Variants in SSBP3 observed in about 807,000 individuals in gnomAD.
SSBP3 encodes single stranded DNA binding protein 3, also known as single-stranded DNA-binding protein 3.
Under a neutral mutation model 69.6 loss-of-function variants are expected in SSBP3, and 5 were observed. The ratio of observed to expected loss-of-function variants is 0.07; its 90% confidence interval spans 0.04 to 0.15. The LOEUF is 0.15. Ranked by LOEUF, SSBP3 falls within the 10% of genes least tolerant of loss-of-function variation. The pLI is 1.00. For missense variants in SSBP3, 312 were observed against 534.0 expected, an observed-to-expected ratio of 0.58 and a Z score of 4.10; for synonymous variants, 196 against 193.4, an observed-to-expected ratio of 1.01 and a Z score of -0.11.
At chr1:54,356,704 A>C (rs1402587326) in intron 4 of SSBP3, 1 of 152,204 alleles carries the variant, frequency 6.6e-6, no homozygotes, top group Admixed American at 6.5e-5. Flanking sequence ...AAGGGAGCCG[A>C]CATCCAAAGG....
At chr1:54,371,815 G>C (rs1002684521) in intron 4 of SSBP3, among the ~76,000 whole-genome samples, 1 of 152,094 alleles carries the variant, frequency 6.6e-6, no homozygotes, top group Admixed American at 6.5e-5. Flanking sequence ...GGGCAGGGGT[G>C]GGGGAGTGGC....
chr1:54,298,258 G>A (rs533928168), intron 4 of SSBP3, among the ~76,000 whole-genome samples: 2 of 152,244 alleles, frequency 1.3e-5, no homozygotes, highest in East Asian at 1.9e-4. Flanking sequence ...TAGGTCTGGG[G>A]AGGCCTAGCT....
chr1:54,321,400 C>G (rs1286201127), intron 4 of SSBP3, among the ~76,000 whole-genome samples: 1 of 152,256 alleles, frequency 6.6e-6, no homozygotes, highest in Non-Finnish European at 1.5e-5. Context: ...GGTCAAGTGG[C>G]TGGGTGGTAT....
chr1:54,354,037 G>GCTCAGCAA, intron 4 of SSBP3, among the ~76,000 whole-genome samples: 1 of 152,198 alleles, frequency 6.6e-6, no homozygotes, highest in South Asian at 2.1e-4. Context: ...CACTCCCCCG[G>GCTCAGCAA]CTCAGCAAGA....
Position 54,258,915 on chromosome 1 carries a change from G to A in SSBP3, c.367-766C>T, listed in dbSNP as rs910468423. Among the ~76,000 whole-genome samples the A allele has an allele frequency of 3.3e-5, 5 of 152,224 alleles. No individual in the cohort carries two copies. The highest frequency in any genetic ancestry group is 1.2e-4 in the African/African-American group (5 of 41,450). On this transcript the variant is annotated intron_variant, in intron 5 of 17. Transcript: ENST00000610401. This position sits in a 1 kb window ranked among gnomAD's most constrained non-coding sequence, Gnocchi z 4.5. ...ATGAGGAATCTAAGTCTCGAGGGAT[G>A]AAGGAACTTGGCCATGGCCATAAAA...
At chr1:54,343,611 G>A (rs935259770) in intron 4 of SSBP3, among the ~76,000 whole-genome samples, 1 of 152,302 alleles carries the variant, frequency 6.6e-6, no homozygotes, top group East Asian at 1.9e-4. Context: ...GCCTTATGGC[G>A]CACAATTATT....
chr1:54,229,342 A>G lies in SSBP3; in HGVS notation c.928-516T>C, dbSNP rs1644342473. On this transcript the variant is annotated intron_variant, in intron 14 of 17. Coordinates refer to ENST00000610401, the Ensembl canonical transcript of SSBP3. ...GACTGGAACCTGGCAGCAGGCCTGGAGCTGTCATGCTGGCCCTCTCCCAAG... is the reference window on the plus strand; with the variant it reads ...GACTGGAACCTGGCAGCAGGCCTGGGGCTGTCATGCTGGCCCTCTCCCAAG... Among the ~76,000 whole-genome samples the G allele has an allele frequency of 2.0e-5, 3 of 152,360 alleles. No homozygotes were observed. In the South Asian group the frequency reaches 6.2e-4, roughly 32 times the overall value.
chr1:54,352,676 C>T (rs57461204), intron 4 of SSBP3, among the ~76,000 whole-genome samples: 3,966 of 152,262 alleles, frequency 0.026, 194 homozygotes, highest in African/African-American at 0.09. Context: ...TGCGTCTTGC[C>T]GTTTGACCAT....
chr1:54,354,207 T>G (rs1441498799), intron 4 of SSBP3, among the ~76,000 whole-genome samples: 1 of 152,238 alleles, frequency 6.6e-6, no homozygotes, highest in Non-Finnish European at 1.5e-5. Flanking sequence ...CTCTGCTTTC[T>G]GCAGCATCAG....
At chr1:54,380,431 G>A (rs528120614) in intron 4 of SSBP3, among the ~76,000 whole-genome samples, 3 of 152,332 alleles carry the variant, frequency 2.0e-5, no homozygotes, top group South Asian at 2.1e-4. Context: ...TCTCTGCTGC[G>A]TGCAGTGACA....
At chr1:54,353,998 A>C (rs1490738567) in intron 4 of SSBP3, among the ~76,000 whole-genome samples, 3 of 152,124 alleles carry the variant, frequency 2.0e-5, no homozygotes, top group Admixed American at 6.5e-5. Flanking sequence ...ACCGAACTGG[A>C]CCCAGATCCA....
At chr1:54,234,768 GAAAA>G (rs57587408) in intron 14 of SSBP3, among the ~76,000 whole-genome samples, 28 of 138,478 alleles carry the variant, frequency 2.0e-4, no homozygotes, top group African/African-American at 7.1e-4. Context: ...TTTTATAAAA[GAAAA>G]AAAAAAAAAG....
exon 1 of SSBP3, chr1:54,406,211 G>A (rs937261846): frequency 1.6e-5 from 7 of 427,550 alleles, no homozygotes; most frequent in African/African-American, 1.1e-4. Context: ...CAAAGCGTCA[G>A]CCCCGGCCGC....
At chr1:54,245,652 C>T (rs555795449) in intron 9 of SSBP3, among the ~76,000 whole-genome samples, 3 of 152,260 alleles carry the variant, frequency 2.0e-5, no homozygotes, top group Non-Finnish European at 1.5e-5. Context: ...GAGCCAGACC[C>T]GGAGCCAGAG....
intron 4 of SSBP3, among the ~76,000 whole-genome samples, chr1:54,294,880 G>C (rs1645677169): frequency 6.6e-6 from 1 of 152,126 alleles, no homozygotes; most frequent in Admixed American, 6.5e-5. Flanking sequence ...CAAAAGCTGA[G>C]AACAGCAGGG....
chr1:54,253,532 G>C (rs939450935), intron 7 of SSBP3, among the ~76,000 whole-genome samples: 1 of 152,106 alleles, frequency 6.6e-6, no homozygotes, highest in African/African-American at 2.4e-5. Flanking sequence ...CGTCTGCCTG[G>C]GGGTGCTCAG....
intron 4 of SSBP3, among the ~76,000 whole-genome samples, chr1:54,321,848 G>A (rs1276440741): frequency 6.6e-6 from 1 of 152,198 alleles, no homozygotes; most frequent in African/African-American, 2.4e-5. Flanking sequence ...AAGGAGGTGG[G>A]GTCTCAGCCC....
At chr1:54,242,664 G>A (rs746264115) in intron 10 of SSBP3, among the ~76,000 whole-genome samples, 1 of 152,080 alleles carries the variant, frequency 6.6e-6, no homozygotes, top group East Asian at 1.9e-4. Flanking sequence ...TAATAACCGC[G>A]TCAGGCCGGG....
intron 4 of SSBP3, among the ~76,000 whole-genome samples, chr1:54,352,395 G>C (rs1646794351): frequency 6.6e-6 from 1 of 152,126 alleles, no homozygotes. Flanking sequence ...TTGGCTGACT[G>C]GTAAGGTGGC....
Sources: gnomAD v4.1 joint callset for allele counts (sites outside exome capture counted in the v4.1 genomes callset) on GRCh38, gnomAD v4.1.1 for gene constraint, Gnocchi (gnomAD v3.1) non-coding constraint, MANE v1.5 for transcripts, NCBI Gene and HGNC (gene_info 2026-07-23, HGNC 2026-07-21) for gene names.